Variants in PCDHGA5 observed in about 807,000 individuals in gnomAD.
PCDHGA5 encodes the protein protocadherin gamma-A5.
In PCDHGA5, 36 loss-of-function variants were observed where a neutral mutation model predicts 56.7. The ratio of observed to expected loss-of-function variants is 0.64; its 90% confidence interval spans 0.49 to 0.84. The LOEUF is 0.84. Among genes scored for constraint, PCDHGA5 ranks in the 40% least tolerant of loss-of-function variants. The pLI, the probability that PCDHGA5 is intolerant of heterozygous loss-of-function variation, is 0.00. For missense variants in PCDHGA5, 1,305 were observed against 1,201.5 expected (o/e 1.09, Z -1.27); for synonymous variants, 563 against 520.2 (o/e 1.08, Z -1.12).
chr5:141,397,248 T>C (rs2093496152), intron 1 of PCDHGA5, among the ~76,000 whole-genome samples: 1 of 152,168 alleles, frequency 6.6e-6, no homozygotes, highest in South Asian at 2.1e-4. Flanking sequence ...CGTAGTAGGG[T>C]ATATCATTTC....
At chr5:141,430,586 C>G in intron 1 of PCDHGA5, 1 of 517,248 alleles carries the variant, frequency 1.9e-6, no homozygotes, top group Non-Finnish European at 3.1e-6. Context: ...TCCTGCTCGC[C>G]TTGCACGCGC....
intron 1 of PCDHGA5, among the ~76,000 whole-genome samples, chr5:141,457,289 G>A (rs907200077): frequency 2.0e-5 from 3 of 152,146 alleles, no homozygotes; most frequent in Non-Finnish European, 4.4e-5. Context: ...GAAGTTCCTT[G>A]GTTTTATTTT....
At chr5:141,444,056 A>G (rs1055292734) in intron 1 of PCDHGA5, among the ~76,000 whole-genome samples, 7 of 151,740 alleles carry the variant, frequency 4.6e-5, no homozygotes, top group Non-Finnish European at 7.4e-5. Context: ...GGCATCTTCA[A>G]TCTAGATTCT....
chr5:141,489,335 G>T lies in PCDHGA5; in HGVS notation c.2422-5472G>T. On this transcript the variant is annotated intron_variant, in intron 1 of 3. Transcript: ENST00000518069. This position sits in a 1 kb window ranked among gnomAD's most constrained non-coding sequence, Gnocchi z 4.5. ...TGGGGCTGGGTGTCTGGGCAGCTTC[G>T]TTACTCAGTGGTGGAGGAGTCTGAG... 1.2e-6 allele frequency: 2 copies of T among 1,607,364 alleles called. No individual in the cohort carries two copies. The highest frequency in any genetic ancestry group is 1.7e-6 in the Non-Finnish European group (2 of 1,175,842).
chr5:141,505,883 T>C (rs1225759976), intron 3 of PCDHGA5, among the ~76,000 whole-genome samples: 1 of 152,118 alleles, frequency 6.6e-6, no homozygotes, highest in East Asian at 1.9e-4. Flanking sequence ...GTTGTAGAGA[T>C]TAAATGAGAT....
intron 1 of PCDHGA5, chr5:141,370,747 A>G (rs780618979): frequency 1.2e-5 from 19 of 1,613,952 alleles, no homozygotes; most frequent in Middle Eastern, 3.3e-4. Context: ...AACTTTTTTC[A>G]TGTAACTGTG....
Position 141,364,226 on chromosome 5 carries a change from C to T in PCDHGA5, c.-105C>T. 3.6e-6 allele frequency: 5 copies of T among 1,375,088 alleles called. No homozygotes were observed. Among genetic ancestry groups the T allele is most frequent in the Non-Finnish European group, 4.9e-6 (5 of 1,030,528 alleles). 85.2% of individuals were successfully genotyped at this position (1,375,088 alleles called of 1,614,324 possible). On this transcript the variant is annotated 5_prime_UTR_variant, in exon 1 of 4. Transcript: ENST00000518069. ...GACAAGCTCCTACGAAAAGCCAACG[C>T]TCCACGCCCATTTTCGTCAGGGAAT...
At chr5:141,412,666 G>C (rs991501719) in intron 1 of PCDHGA5, 3 of 152,120 alleles carry the variant, frequency 2.0e-5, no homozygotes, top group African/African-American at 7.2e-5. Flanking sequence ...ACACTAATAT[G>C]ACCTAAAATA....
chr5:141,384,126 C>A lies in PCDHGA5; in HGVS notation c.2421+17375C>A, dbSNP rs749225079. On this transcript the variant is annotated intron_variant, in intron 1 of 3. Transcript: ENST00000518069. ...ATTATAGATTGGTCACAACCAAAAA[C>A]TTGGACCGGGAAACACTCTCTTTGT... 4 of 1,610,820 alleles carry A rather than the reference C, an allele frequency of 2.5e-6. No individual in the cohort carries two copies. The Admixed American group carries it at 6.7e-5, about 27-fold the overall frequency.
rs1285653916 is a variant in PCDHGA5, at chr5:141,388,617, G to A, written c.2421+21866G>A. ...TGATAATGCTCCAGTGTTCAGTCAA[G>A]ACGTATACAGGGTGAGCCTTTCAGA... is the stretch of plus-strand genomic sequence containing the variant. On this transcript the variant is annotated intron_variant, in intron 1 of 3. Coordinates refer to ENST00000518069, the MANE Select transcript of PCDHGA5 (RefSeq NM_018918.3). The A allele has an allele frequency of 3.1e-6, 5 of 1,613,920 alleles. No individual in the cohort carries two copies. The South Asian group carries it at 5.5e-5, about 18-fold the overall frequency.
rs183257097 is a variant in PCDHGA5 at position 141,389,274 on chromosome 5, C to G, written c.2421+22523C>G. 189 of 1,614,032 alleles carry G rather than the reference C, an allele frequency of 1.2e-4. 1 individual carries two copies. In the East Asian group the frequency reaches 4.2e-3, roughly 36 times the overall value. On this transcript the variant is annotated intron_variant, in intron 1 of 3. Coordinates refer to ENST00000518069, the MANE Select transcript of PCDHGA5 (RefSeq NM_018918.3). ...TATAGTCCACGTGGCCGAGAACAACCCGCCTGGAGCCTCTATTTCACAAGT... is the reference window on the plus strand; with the variant it reads ...TATAGTCCACGTGGCCGAGAACAACGCGCCTGGAGCCTCTATTTCACAAGT...
chr5:141,505,711 A>C (rs372711957), intron 3 of PCDHGA5, among the ~76,000 whole-genome samples: 17 of 152,058 alleles, frequency 1.1e-4, no homozygotes, highest in Admixed American at 2.6e-4. Context: ...CAAGGAAAAG[A>C]CTCATGGAGG....
chr5:141,424,750 A>T (rs2096838482), intron 1 of PCDHGA5: 1 of 152,114 alleles, frequency 6.6e-6, no homozygotes, highest in Admixed American at 6.5e-5. Context: ...CTTTCTTTAT[A>T]AGGTCATTCT....
At chr5:141,388,969 C>A (rs1392290138) in intron 1 of PCDHGA5, 1 of 1,613,882 alleles carries the variant, frequency 6.2e-7, no homozygotes, top group Non-Finnish European at 8.5e-7. Context: ...GAGCTGGGAA[C>A]ACATATTGCT....
At chr5:141,403,105 C>T in intron 1 of PCDHGA5, 1 of 1,614,056 alleles carries the variant, frequency 6.2e-7, no homozygotes. Flanking sequence ...TCTCCAAGGA[C>T]CTGGCTCTGG....
At position 141,365,732 on chromosome 5, in the gene PCDHGA5, G is replaced by T; in HGVS notation, c.1402G>T (p.Gly468Cys). The stretch of plus-strand genomic sequence containing the variant: ...CTCTGTCACAGAAAACAATCCCAGA[G>T]GTGTCTCTATCTTCTCTGTGACAGC... ...STSVTENNPR[G>C]VSIFSVTAHD... The change falls in exon 1 of 4, where the codon GGT becomes TGT. Residue 468 changes from glycine to cysteine, a missense_variant. Transcript: ENST00000518069. The T allele has an allele frequency of 6.2e-7, 1 of 1,613,694 alleles. No individual in the cohort carries two copies. The highest frequency in any genetic ancestry group is 8.5e-7 in the Non-Finnish European group (1 of 1,179,876).
At chr5:141,368,825 CTT>C (rs999838491) in intron 1 of PCDHGA5, among the ~76,000 whole-genome samples, 2 of 152,086 alleles carry the variant, frequency 1.3e-5, no homozygotes, top group African/African-American at 4.8e-5. Context: ...ACAATGAACA[CTT>C]GGCATTGTGT....
At position 141,485,675 on chromosome 5, in the gene PCDHGA5, A is replaced by C. The variant is rs1562106929; in HGVS notation, c.2422-9132A>C. 6.2e-7 allele frequency: 1 copy of C among 1,613,068 alleles called. No homozygotes were observed. The highest frequency in any genetic ancestry group is 8.5e-7 in the Non-Finnish European group (1 of 1,179,150). On this transcript the variant is annotated intron_variant, in intron 1 of 3. Coordinates refer to ENST00000518069, the MANE Select transcript of PCDHGA5 (RefSeq NM_018918.3). The surrounding 1 kb of genome is among the most constrained non-coding windows in gnomAD (Gnocchi z 5.7). ...TGCAGATGTGGGGAGCAATTCGATT[A>C]GCAGCTATAGGCTGAGCTCCAATGA...
intron 1 of PCDHGA5, chr5:141,374,786 G>A (rs1476058358): frequency 1.2e-6 from 2 of 1,613,912 alleles, no homozygotes; most frequent in Admixed American, 1.7e-5. Flanking sequence ...AGTTCTAGAT[G>A]TGAATGACAA....
Sources: gnomAD v4.1 joint callset for allele counts (sites outside exome capture counted in the v4.1 genomes callset) on GRCh38, gnomAD v4.1.1 for gene constraint, Gnocchi (gnomAD v3.1) non-coding constraint, MANE v1.5 for transcripts, NCBI Gene and HGNC (gene_info 2026-07-23, HGNC 2026-07-21) for gene names.